The following EDARADD variants were observed in gnomAD, a reference collection of about 807,000 sequenced individuals.
The protein encoded by EDARADD is EDAR associated via death domain.
In EDARADD, 20 loss-of-function variants were observed where a neutral mutation model predicts 25.6. That is an observed-to-expected ratio of 0.78 (90% CI 0.55 to 1.14). The LOEUF is 1.14. Among genes scored for constraint, EDARADD ranks in the 50% most tolerant of loss-of-function variants. The probability of loss-of-function intolerance (pLI) is 0.00; values close to 1 mark genes in which losing one functional copy is unlikely to be tolerated. For missense variants in EDARADD, 225 were observed against 270.1 expected (o/e 0.83, Z 1.17); for synonymous variants, 86 against 94.4 (o/e 0.91, Z 0.52).
intron 5 of EDARADD, among the ~76,000 whole-genome samples, chr1:236,481,715 G>T (rs1401217993): frequency 6.7e-6 from 1 of 149,888 alleles, no homozygotes; most frequent in African/African-American, 2.5e-5. Flanking sequence ...GAGGGCGGAG[G>T]TTGCAGTGAG....
chr1:236,371,985 C>G (rs763411714), intron 3 of EDARADD, among the ~76,000 whole-genome samples: 2 of 151,526 alleles, frequency 1.3e-5, no homozygotes, highest in African/African-American at 4.9e-5. Flanking sequence ...GATGGAGTCT[C>G]GCTCTGTCTC....
intron 4 of EDARADD, among the ~76,000 whole-genome samples, chr1:236,453,391 C>T (rs1658765877): frequency 6.6e-6 from 1 of 151,726 alleles, no homozygotes; most frequent in Non-Finnish European, 1.5e-5. Context: ...ATTCTCCTGC[C>T]TCAGCCTCCC....
At chr1:236,430,055 G>A (rs1020991295) in intron 4 of EDARADD, among the ~76,000 whole-genome samples, 1 of 152,168 alleles carries the variant, frequency 6.6e-6, no homozygotes, top group Admixed American at 6.5e-5. Flanking sequence ...AATCACCTCT[G>A]TAAGAAAGAG....
chr1:236,385,805 C>CTTACTTTTGTGTATAGGG lies in EDARADD; in HGVS notation c.-5-23410_-5-23409insTACTTTTGTGTATAGGGT, dbSNP rs1553264034. On this transcript the variant is annotated intron_variant, in intron 3 of 7. Transcript: ENST00000439430. ...TCTCTCTTAATAATTTGAAAGTTAG[C>CTTACTTTTGTGTATAGGG]TCTCTCCCTCTCCCTCTCCCTCTCC... Among the ~76,000 whole-genome samples the CTTACTTTTGTGTATAGGG allele has an allele frequency of 2.7e-3, 19 of 7,062 alleles. 6 individuals are homozygous for CTTACTTTTGTGTATAGGG. The highest frequency in any genetic ancestry group is 0.015 in the South Asian group (1 of 66). The allele number at this position is 7,062 out of a possible 152,430, so 4.6% of individuals were successfully genotyped here. A position where few individuals can be genotyped will look rare whatever the true frequency, so the allele number is the denominator to read the frequency against.
chr1:236,393,024 A>G (rs1473214016), upstream of EDARADD, among the ~76,000 whole-genome samples: 5 of 152,162 alleles, frequency 3.3e-5, no homozygotes, highest in African/African-American at 4.8e-5. Flanking sequence ...GCCTCAAGCA[A>G]TCCTGCCACC....
intron 1 of EDARADD, among the ~76,000 whole-genome samples, chr1:236,406,020 G>A (rs768191464): frequency 6.7e-6 from 1 of 150,104 alleles, no homozygotes; most frequent in Non-Finnish European, 1.5e-5. Context: ...AGAGGATGGT[G>A]TCAGAGCATT....
At chr1:236,464,222 G>C (rs971036952) in intron 4 of EDARADD, among the ~76,000 whole-genome samples, 3 of 151,010 alleles carry the variant, frequency 2.0e-5, no homozygotes, top group Non-Finnish European at 4.4e-5. Context: ...TTCACTTGGT[G>C]CTCAGAGCCC....
At chr1:236,444,502 A>G (rs898252201) in intron 4 of EDARADD, among the ~76,000 whole-genome samples, 2 of 152,166 alleles carry the variant, frequency 1.3e-5, no homozygotes, top group Admixed American at 6.5e-5. Context: ...GCTCACTGCA[A>G]CCTCCGCCTG....
chr1:236,373,413 C>T (rs1203049200), intron 3 of EDARADD, among the ~76,000 whole-genome samples: 1 of 152,152 alleles, frequency 6.6e-6, no homozygotes, highest in Non-Finnish European at 1.5e-5. Context: ...ACCATGCTAG[C>T]CAGGCTGGTC....
chr1:236,441,355 ATATATT>A, intron 4 of EDARADD, among the ~76,000 whole-genome samples: 1 of 144,550 alleles, frequency 6.9e-6, no homozygotes, highest in African/African-American at 2.5e-5. Flanking sequence ...AAATATAAAT[ATATATT>A]TATATATAAT....
At chr1:236,351,222 G>C (rs955024963) in intron 3 of EDARADD, among the ~76,000 whole-genome samples, 1 of 152,040 alleles carries the variant, frequency 6.6e-6, no homozygotes, top group African/African-American at 2.4e-5. Context: ...CTATGCTCTC[G>C]GGAAGCAATC....
intron 4 of EDARADD, among the ~76,000 whole-genome samples, chr1:236,428,759 C>G (rs1400134697): frequency 6.6e-6 from 1 of 150,432 alleles, no homozygotes; most frequent in Non-Finnish European, 1.5e-5. Context: ...GCTGCAATCT[C>G]GGCACTTTGG....
At chr1:236,367,622 C>T (rs903016844) in intron 3 of EDARADD, among the ~76,000 whole-genome samples, 2 of 152,168 alleles carry the variant, frequency 1.3e-5, no homozygotes. Flanking sequence ...GCCTTGGCCT[C>T]CCAAAGTTCT....
chr1:236,444,357 G>A (rs1039512311), intron 4 of EDARADD, among the ~76,000 whole-genome samples: 6 of 151,904 alleles, frequency 3.9e-5, no homozygotes, highest in African/African-American at 1.5e-4. Context: ...TTTACACATC[G>A]AGATCCAGAG....
intron 1 of EDARADD, among the ~76,000 whole-genome samples, chr1:236,399,987 C>T (rs1999506): frequency 0.51 from 77,884 of 152,038 alleles, 22,211 homozygotes; most frequent in Non-Finnish European, 0.65. Context: ...TGGCATTGGG[C>T]GCAGTACCCA....
At chr1:236,472,485 G>T (rs1001419304) in intron 5 of EDARADD, among the ~76,000 whole-genome samples, 4 of 152,094 alleles carry the variant, frequency 2.6e-5, no homozygotes, top group African/African-American at 9.7e-5. Flanking sequence ...GGGGGTGGAG[G>T]CGTCTATCCT....
At chr1:236,479,061 C>G (rs1279756206) in intron 5 of EDARADD, among the ~76,000 whole-genome samples, 1 of 152,108 alleles carries the variant, frequency 6.6e-6, no homozygotes, top group Admixed American at 6.6e-5. Flanking sequence ...AAATTGGGTG[C>G]AGTGTATACT....
At chr1:236,428,821 G>C (rs1041355779) in intron 4 of EDARADD, among the ~76,000 whole-genome samples, 11 of 151,916 alleles carry the variant, frequency 7.2e-5, no homozygotes, top group Admixed American at 5.3e-4. Flanking sequence ...CGGAGATCAC[G>C]CCACTGCACT....
At chr1:236,390,941 G>GTTATTATTATTATTATTATTATTATTA (rs377087092), upstream of EDARADD, among the ~76,000 whole-genome samples, 13 of 148,922 alleles carry the variant, frequency 8.7e-5, no homozygotes, top group South Asian at 8.7e-4. Flanking sequence ...TCTTGGGTTA[G>GTTATTATTATTATTATTATTATTATTA]TTGTTATTAT....
Sources: gnomAD v4.1 joint callset for allele counts (sites outside exome capture counted in the v4.1 genomes callset) on GRCh38, gnomAD v4.1.1 for gene constraint, MANE v1.5 for transcripts, NCBI Gene and HGNC (gene_info 2026-07-23, HGNC 2026-07-21) for gene names.